The following ATP9B variants were observed in gnomAD, a reference collection of about 807,000 sequenced individuals.
The protein encoded by ATP9B is probable phospholipid-transporting ATPase IIB.
ATP9B carries 110 observed loss-of-function variants against 146.1 expected under a neutral mutation model. That is an observed-to-expected ratio of 0.75 (90% confidence interval 0.65 to 0.88). The LOEUF (loss-of-function observed/expected upper bound fraction) is 0.88, where lower values mean the gene tolerates loss of function less well. Among genes scored for constraint, ATP9B ranks in the 40% least tolerant of loss-of-function variants. ATP9B has a pLI of 0.00. For missense variants in ATP9B, 1,499 were observed against 1,496.4 expected, an observed-to-expected ratio of 1.00 and a Z score of -0.03; for synonymous variants, 604 against 569.7, an observed-to-expected ratio of 1.06 and a Z score of -0.86.
intron 5 of ATP9B, among the ~76,000 whole-genome samples, chr18:79,138,774 T>TAA (rs796077711): frequency 2.6e-4 from 36 of 139,748 alleles, no homozygotes; most frequent in African/African-American, 2.6e-4. Context: ...GTTCTTACAT[T>TAA]AAAAAAAAAA....
chr18:79,131,756 T>C (rs1289730896), intron 5 of ATP9B, among the ~76,000 whole-genome samples: 1 of 152,250 alleles, frequency 6.6e-6, no homozygotes, highest in Non-Finnish European at 1.5e-5. Context: ...AGCAAATTTC[T>C]ATGATGGAAT....
intron 8 of ATP9B, among the ~76,000 whole-genome samples, chr18:79,185,505 G>C (rs2095299313): frequency 6.6e-6 from 1 of 152,078 alleles, no homozygotes; most frequent in Non-Finnish European, 1.5e-5. Flanking sequence ...ATAACTATAT[G>C]GTAAATGAAA....
At chr18:79,253,582 T>C (rs755795747) in intron 12 of ATP9B, 41 bp downstream of exon 12, 4 of 1,521,766 alleles carry the variant, frequency 2.6e-6, no homozygotes, top group East Asian at 2.3e-5. Flanking sequence ...TCTGGTTTCA[T>C]TGAGTATGAT....
At position 79,345,458 on chromosome 18, in the gene ATP9B, G is replaced by A. The variant is rs757212661; in HGVS notation, c.2503G>A (p.Val835Met). 3 of 1,613,906 alleles carry A rather than the reference G, an allele frequency of 1.9e-6. No individual in the cohort carries two copies. Among genetic ancestry groups the A allele is most frequent in the African/African-American group, 2.7e-5 (2 of 74,926 alleles). ...TCTAAAGTACTACGAGCATGAATTTGTGGAGCTGGCCTGCCAGTGCCCTGC... is the reference window on the plus strand; with the variant it reads ...TCTAAAGTACTACGAGCATGAATTTATGGAGCTGGCCTGCCAGTGCCCTGC... ...VCLKYYEHEFVELACQCPAVV... is the reference protein window; with the variant it reads ...VCLKYYEHEFMELACQCPAVV... The change falls in exon 22 of 30, where the codon GTG becomes ATG. Residue 835 changes from valine (V) to methionine (M), a missense_variant. By Grantham distance (21) the Val-to-Met change is conservative. Transcript: ENST00000426216.
intron 25 of ATP9B, chr18:79,354,370 G>A (rs2096938253): frequency 1.3e-5 from 2 of 152,030 alleles, no homozygotes; most frequent in Admixed American, 1.3e-4. Flanking sequence ...GACTAGGAGT[G>A]TGAGACCAGC....
chr18:79,129,553 A>C (rs188164255), intron 5 of ATP9B, among the ~76,000 whole-genome samples: 51 of 152,228 alleles, frequency 3.4e-4, no homozygotes, highest in African/African-American at 1.2e-3. Flanking sequence ...TTGTCAGAAC[A>C]CTGGCTGAAT....
intron 5 of ATP9B, among the ~76,000 whole-genome samples, chr18:79,129,568 G>C (rs1287850683): frequency 6.6e-6 from 1 of 151,982 alleles, no homozygotes; most frequent in Non-Finnish European, 1.5e-5. Context: ...CTGAATATAA[G>C]AATGGAAGAG....
chr18:79,337,593 CCTT>C, intron 19 of ATP9B, 144 bp downstream of exon 19: 2 of 1,150,472 alleles, frequency 1.7e-6, no homozygotes, highest in South Asian at 3.2e-5. Flanking sequence ...CAGCTCCCCT[CCTT>C]CCTTAGGGAC....
At chr18:79,337,665 T>C (rs1310597738) in intron 19 of ATP9B, among the ~76,000 whole-genome samples, 1 of 152,178 alleles carries the variant, frequency 6.6e-6, no homozygotes, top group Non-Finnish European at 1.5e-5. Flanking sequence ...CCTTCCTCTC[T>C]ACACCTCTTC....
chr18:79,118,487 G>A (rs1393273522), intron 4 of ATP9B, among the ~76,000 whole-genome samples: 2 of 129,580 alleles, frequency 1.5e-5, no homozygotes, highest in Admixed American at 9.3e-5. Flanking sequence ...TGCAAGCTCC[G>A]CCTCCCGGGT....
intron 26 of ATP9B, among the ~76,000 whole-genome samples, chr18:79,365,978 G>A (rs79905514): frequency 0.033 from 5,065 of 152,398 alleles, 135 homozygotes; most frequent in Non-Finnish European, 0.043. Context: ...GCCAGCCTGT[G>A]TGTCATGCCA....
chr18:79,106,208 A>G lies in ATP9B; in HGVS notation c.294-4147A>G, dbSNP rs116480088. The stretch of plus-strand genomic sequence containing the variant: ...TGTTCCTGAATAATCAATAATTTAG[A>G]AACTATTTCGCGTACATAGAAATGC... On this transcript the variant is annotated intron_variant, in intron 2 of 29. Coordinates refer to ENST00000426216, the MANE Select transcript of ATP9B (RefSeq NM_198531.5). Among the ~76,000 whole-genome samples, 743 of 152,310 alleles carry G rather than the reference A, an allele frequency of 4.9e-3. 5 individuals are homozygous for G. Among genetic ancestry groups the G allele is most frequent in the South Asian group, 0.025 (119 of 4,828 alleles).
At chr18:79,150,940 C>G (rs1234231616) in intron 6 of ATP9B, among the ~76,000 whole-genome samples, 1 of 152,064 alleles carries the variant, frequency 6.6e-6, no homozygotes, top group East Asian at 1.9e-4. Flanking sequence ...ATTGTTGAAA[C>G]GTATTAAAGA....
intron 7 of ATP9B, among the ~76,000 whole-genome samples, chr18:79,162,527 A>T (rs575662212): frequency 1.8e-4 from 28 of 152,300 alleles, no homozygotes; most frequent in East Asian, 1.7e-3. Flanking sequence ...AAGTGATGAC[A>T]TTATACTTTA....
chr18:79,327,674 G>GTGTTTAGCGTGCTCTCCA (rs2096761850), intron 15 of ATP9B, among the ~76,000 whole-genome samples: 1 of 140,702 alleles, frequency 7.1e-6, no homozygotes, highest in East Asian at 2.2e-4. Flanking sequence ...CGTGCTCTCC[G>GTGTTTAGCGTGCTCTCCA]TGGTTAGCGT....
intron 2 of ATP9B, among the ~76,000 whole-genome samples, chr18:79,099,245 C>A (rs79519558): frequency 3.3e-5 from 5 of 151,606 alleles, no homozygotes; most frequent in African/African-American, 4.8e-5. Flanking sequence ...TTTCTTGAGA[C>A]GGAGTCTTGC....
intron 13 of ATP9B, among the ~76,000 whole-genome samples, chr18:79,286,207 G>A (rs1159432937): frequency 9.9e-5 from 15 of 151,948 alleles, no homozygotes; most frequent in Non-Finnish European, 2.2e-4. Flanking sequence ...ATTACCTTGG[G>A]CAGTACGGCC....
intron 5 of ATP9B, among the ~76,000 whole-genome samples, chr18:79,132,957 A>G (rs1480167545): frequency 6.6e-6 from 1 of 152,242 alleles, no homozygotes; most frequent in Non-Finnish European, 1.5e-5. Context: ...ATTTTGAGTT[A>G]TCTTGTGTTT....
rs556792669 is a variant in ATP9B at position 79,207,795 on chromosome 18, C to T, written c.1030+783C>T. 1.4e-4 allele frequency among the ~76,000 whole-genome samples: 22 copies of T among 152,214 alleles called. No homozygotes were observed. In the South Asian group the frequency reaches 4.4e-3, roughly 30 times the overall value. On this transcript the variant is annotated intron_variant, in intron 10 of 29. Transcript: ENST00000426216. ...TGTGCATGGAGCACCTGTTCTCCAC[C>T]AGGCACGGTGATTCAGTCTGGGGCA...
Sources: allele counts gnomAD v4.1 joint callset (sites outside exome capture counted in the v4.1 genomes callset), GRCh38; gene constraint gnomAD v4.1.1; transcripts MANE v1.5; gene names NCBI Gene and HGNC (gene_info 2026-07-23, HGNC 2026-07-21).